The following TOGARAM2 variants were observed in gnomAD, a reference collection of about 807,000 sequenced individuals.
TOGARAM2 encodes TOG array regulator of axonemal microtubules protein 2.
Under a neutral mutation model 93.3 loss-of-function variants are expected in TOGARAM2, and 85 were observed. The observed-to-expected ratio is 0.91, with a 90% confidence interval of 0.76 to 1.09. The LOEUF (loss-of-function observed/expected upper bound fraction) is 1.09. Among genes scored for constraint, TOGARAM2 ranks in the 50% least tolerant of loss-of-function variants. The pLI, the probability that TOGARAM2 is intolerant of heterozygous loss-of-function variation, is 0.00. For synonymous variants in TOGARAM2, 593 were observed against 552.8 expected (o/e 1.07, Z -1.02); for missense variants, 1,277 against 1,334.5 (o/e 0.96, Z 0.67).
At chr2:28,975,203 T>A (rs1197675987) in intron 1 of TOGARAM2, among the ~76,000 whole-genome samples, 1 of 152,100 alleles carries the variant, frequency 6.6e-6, no homozygotes, top group Non-Finnish European at 1.5e-5. Context: ...TGTTATTATT[T>A]TTTGAGACAG....
At chr2:28,980,630 C>A (rs1177947960), upstream of TOGARAM2, among the ~76,000 whole-genome samples, 4 of 152,178 alleles carry the variant, frequency 2.6e-5, no homozygotes, top group African/African-American at 9.7e-5. Context: ...CGCCCAAGAG[C>A]CTGGGTTCAG....
At chr2:29,006,402 G>T (rs572486361) in intron 6 of TOGARAM2, among the ~76,000 whole-genome samples, 121 of 139,112 alleles carry the variant, frequency 8.7e-4, no homozygotes, top group Non-Finnish European at 1.5e-3. Flanking sequence ...GTGTGTGAGT[G>T]CATGTGTGTT....
intron 1 of TOGARAM2, among the ~76,000 whole-genome samples, chr2:28,987,770 A>G (rs887834269): frequency 1.3e-5 from 2 of 152,180 alleles, no homozygotes; most frequent in African/African-American, 4.8e-5. Context: ...TCACGATGGG[A>G]GAGGAGACGC....
chr2:29,045,645 A>T (rs1326071064), intron 19 of TOGARAM2: 4 of 526,418 alleles, frequency 7.6e-6, no homozygotes, highest in Non-Finnish European at 1.4e-5. Flanking sequence ...TTTTTAAAAA[A>T]CTGTTACAGG....
chr2:29,033,097 G>T (rs755871314), intron 15 of TOGARAM2, 46 bp downstream of exon 15: 1 of 1,520,720 alleles, frequency 6.6e-7, no homozygotes, highest in Non-Finnish European at 9.0e-7. Context: ...GGGGGTGGGG[G>T]TGACAGTGCT....
intron 4 of TOGARAM2, among the ~76,000 whole-genome samples, chr2:29,001,884 G>C (rs1173052883): frequency 6.6e-6 from 1 of 150,908 alleles, no homozygotes; most frequent in African/African-American, 2.4e-5. Context: ...CCTCATCACT[G>C]ATATTTACAA....
chr2:29,012,712 G>A (rs1231175100), intron 7 of TOGARAM2, among the ~76,000 whole-genome samples: 1 of 152,228 alleles, frequency 6.6e-6, no homozygotes, highest in Non-Finnish European at 1.5e-5. Context: ...AGGGCTCTCT[G>A]CCCTCCAGCT....
chr2:28,980,125 A>C (rs1672121346), upstream of TOGARAM2, among the ~76,000 whole-genome samples: 1 of 152,176 alleles, frequency 6.6e-6, no homozygotes, highest in Non-Finnish European at 1.5e-5. Flanking sequence ...GGCCTCTGCT[A>C]CAGGGAGTTC....
chr2:28,957,515 A>G (rs865968387), intron 1 of TOGARAM2, among the ~76,000 whole-genome samples: 1 of 152,202 alleles, frequency 6.6e-6, no homozygotes, highest in Non-Finnish European at 1.5e-5. Context: ...TTATAACATT[A>G]AAATGTACCT....
intron 6 of TOGARAM2, among the ~76,000 whole-genome samples, chr2:29,006,077 G>A (rs1263551486): frequency 1.2e-5 from 1 of 83,520 alleles, no homozygotes; most frequent in African/African-American, 3.8e-5. Context: ...ATGTGTGAGA[G>A]CACGTGTGTG....
At chr2:29,042,960 G>C (rs889167080) in intron 18 of TOGARAM2, among the ~76,000 whole-genome samples, 5 of 152,178 alleles carry the variant, frequency 3.3e-5, no homozygotes, top group African/African-American at 4.8e-5. Flanking sequence ...GTTTACCTTG[G>C]CCTATCCTTG....
chr2:29,009,291 G>A (rs531165986), intron 6 of TOGARAM2, among the ~76,000 whole-genome samples: 1 of 152,318 alleles, frequency 6.6e-6, no homozygotes, highest in Admixed American at 6.5e-5. Context: ...GCGGGGTGGG[G>A]GTGAAGGGCC....
intron 14 of TOGARAM2, among the ~76,000 whole-genome samples, chr2:29,032,212 G>A (rs1293268210): frequency 6.6e-6 from 1 of 152,170 alleles, no homozygotes; most frequent in East Asian, 1.9e-4. Flanking sequence ...TCCCTAAACA[G>A]GGTCCTGTGT....
chr2:29,018,104 T>A, intron 10 of TOGARAM2, 148 bp downstream of exon 10: 1 of 930,720 alleles, frequency 1.1e-6, no homozygotes, highest in Non-Finnish European at 1.6e-6. Flanking sequence ...GTGGTTGCCT[T>A]GCCAGAGAGA....
chr2:29,033,561 G>C lies in TOGARAM2; in HGVS notation c.2223G>C (p.Glu741Asp), dbSNP rs1327308088. 2 of 1,612,888 alleles carry C rather than the reference G, an allele frequency of 1.2e-6. No homozygotes were observed. The highest frequency in any genetic ancestry group is 2.2e-5 in the South Asian group (2 of 90,660). Residue 741 changes from glutamate to aspartate, a missense_variant and splice_region_variant, in exon 16 of 20, where the codon GAG becomes GAC. By Grantham distance (45) the Glu-to-Asp change is conservative. Coordinates refer to ENST00000379558, the MANE Select transcript of TOGARAM2 (RefSeq NM_199280.4). ...VVCENGLPIK[E>D]GLSCNGPRLV... ...GTGAGAACGGGCTGCCCATCAAGGA[G>C]GGGTATGGCTGCTCCTGTATCTCTG...
intron 13 of TOGARAM2, among the ~76,000 whole-genome samples, chr2:29,026,603 C>T (rs73922946): frequency 1.3e-3 from 195 of 152,304 alleles, no homozygotes; most frequent in African/African-American, 4.5e-3. Context: ...GGTATGCATA[C>T]GGTGTATTGG....
chr2:29,041,613 G>A (rs948827277), intron 18 of TOGARAM2, among the ~76,000 whole-genome samples: 2 of 152,212 alleles, frequency 1.3e-5, no homozygotes, highest in Non-Finnish European at 2.9e-5. Flanking sequence ...GGGCTTGGCT[G>A]AATGGGACAG....
At chr2:28,987,778 C>T (rs895662562) in intron 1 of TOGARAM2, among the ~76,000 whole-genome samples, 5 of 152,280 alleles carry the variant, frequency 3.3e-5, no homozygotes, top group East Asian at 3.9e-4. Context: ...GGAGAGGAGA[C>T]GCCATCTGCA....
chr2:28,993,002 G>T (rs940829681), intron 1 of TOGARAM2, among the ~76,000 whole-genome samples: 3 of 150,666 alleles, frequency 2.0e-5, no homozygotes, highest in Non-Finnish European at 4.4e-5. Flanking sequence ...GGAGGTTGCA[G>T]TGAGCCAAGA....
Sources: gnomAD v4.1 joint callset for allele counts (sites outside exome capture counted in the v4.1 genomes callset) on GRCh38, gnomAD v4.1.1 for gene constraint, MANE v1.5 for transcripts, NCBI Gene and HGNC (gene_info 2026-07-23, HGNC 2026-07-21) for gene names.